Variants in MACROD2 observed in about 807,000 individuals in gnomAD.
MACROD2 encodes ADP-ribose glycohydrolase MACROD2.
A neutral mutation model predicts 70.4 loss-of-function variants in MACROD2; 36 were observed. That is an observed-to-expected ratio of 0.51 (90% confidence interval 0.39 to 0.68). The LOEUF (loss-of-function observed/expected upper bound fraction) is 0.68. Ranked by LOEUF, MACROD2 falls within the 30% of genes least tolerant of loss-of-function variation. The probability of loss-of-function intolerance (pLI) is 0.00; values close to 1 mark genes in which losing one functional copy is unlikely to be tolerated. For missense variants in MACROD2, 496 were observed against 538.4 expected, an observed-to-expected ratio of 0.92 and a Z score of 0.78; for synonymous variants, 172 against 178.8, an observed-to-expected ratio of 0.96 and a Z score of 0.30.
At chr20:15,638,701 G>C (rs2049407692) in intron 8 of MACROD2, among the ~76,000 whole-genome samples, 1 of 152,184 alleles carries the variant, frequency 6.6e-6, no homozygotes, top group South Asian at 2.1e-4. Flanking sequence ...TCATATGATA[G>C]TAGAGCATTA....
intron 5 of MACROD2, among the ~76,000 whole-genome samples, chr20:14,955,309 TTA>T (rs1473331520): frequency 1.4e-5 from 2 of 143,026 alleles, no homozygotes; most frequent in Non-Finnish European, 3.0e-5. Context: ...ATAATTTTTA[TTA>T]TATATAATTT....
At chr20:15,678,170 G>T (rs1209604463) in intron 8 of MACROD2, among the ~76,000 whole-genome samples, 1 of 152,162 alleles carries the variant, frequency 6.6e-6, no homozygotes, top group Non-Finnish European at 1.5e-5. Flanking sequence ...GTAAATTATA[G>T]ACTTAAGATT....
At chr20:15,582,983 T>A (rs2048547014) in intron 8 of MACROD2, among the ~76,000 whole-genome samples, 1 of 152,024 alleles carries the variant, frequency 6.6e-6, no homozygotes. Context: ...TGCAAAAAAT[T>A]CATCAGCTGA....
intron 8 of MACROD2, among the ~76,000 whole-genome samples, chr20:15,822,824 C>T (rs572388103): frequency 5.3e-5 from 8 of 152,124 alleles, no homozygotes; most frequent in Non-Finnish European, 1.0e-4. Flanking sequence ...GAAAGAAAAC[C>T]GCAGATACAG....
intron 2 of MACROD2, among the ~76,000 whole-genome samples, chr20:14,076,195 A>G (rs941045529): frequency 5.3e-5 from 8 of 152,102 alleles, no homozygotes; most frequent in Non-Finnish European, 8.8e-5. Context: ...TGTATGTTAT[A>G]TATATGTGAT....
intron 3 of MACROD2, chr20:14,337,490 C>G: frequency 2.5e-6 from 1 of 398,322 alleles, no homozygotes; most frequent in Non-Finnish European, 4.4e-6. Flanking sequence ...AGCCCTCCCC[C>G]GTCTCCCAAG....
At chr20:15,134,380 G>A (rs1265507810) in intron 5 of MACROD2, among the ~76,000 whole-genome samples, 1 of 151,766 alleles carries the variant, frequency 6.6e-6, no homozygotes, top group Non-Finnish European at 1.5e-5. Flanking sequence ...TCAGACCACA[G>A]TGCAATCAAA....
At position 14,177,103 on chromosome 20, in the gene MACROD2, A is replaced by C. The variant is rs575073377; in HGVS notation, c.271+91375A>C. ...TTAAGATGTTAGTTCTCCTTACTAC[A>C]TTAGTGTACAAACTTAATGCAATAC... is the stretch of plus-strand genomic sequence containing the variant. On this transcript the variant is annotated intron_variant, in intron 3 of 17. Transcript: ENST00000684519. Among the ~76,000 whole-genome samples, 6 of 152,158 alleles carry C rather than the reference A, an allele frequency of 3.9e-5. No individual in the cohort carries two copies. The South Asian group carries it at 1.2e-3, about 32-fold the overall frequency.
At chr20:15,759,722 G>A (rs6043522) in intron 8 of MACROD2, among the ~76,000 whole-genome samples, 9,488 of 152,270 alleles carry the variant, frequency 0.062, 550 homozygotes, top group African/African-American at 0.16. Flanking sequence ...CTATTTATGG[G>A]ACAATATTGC....
chr20:14,005,881 G>A (rs1351904115), intron 2 of MACROD2, among the ~76,000 whole-genome samples: 4 of 152,044 alleles, frequency 2.6e-5, no homozygotes, highest in East Asian at 1.9e-4. Context: ...GATTACAGAC[G>A]TGAGCCACTG....
At chr20:14,267,803 T>A (rs902299697) in intron 3 of MACROD2, among the ~76,000 whole-genome samples, 1 of 152,094 alleles carries the variant, frequency 6.6e-6, no homozygotes, top group Non-Finnish European at 1.5e-5. Context: ...AACTGATGTC[T>A]TGGAAAGTGA....
At chr20:15,389,411 T>A (rs760716277) in intron 6 of MACROD2, among the ~76,000 whole-genome samples, 1 of 152,126 alleles carries the variant, frequency 6.6e-6, no homozygotes, top group Non-Finnish European at 1.5e-5. Flanking sequence ...GTTGAAGGTC[T>A]AGAAGAAATT....
At chr20:14,385,346 C>T (rs1014668135) in intron 3 of MACROD2, among the ~76,000 whole-genome samples, 9 of 152,000 alleles carry the variant, frequency 5.9e-5, no homozygotes, top group African/African-American at 9.7e-5. Flanking sequence ...TTTATTGTTT[C>T]AGTGTTGTTT....
At chr20:15,163,171 C>A (rs193068634) in intron 5 of MACROD2, among the ~76,000 whole-genome samples, 15 of 151,684 alleles carry the variant, frequency 9.9e-5, no homozygotes. Flanking sequence ...AAAGAAAAGA[C>A]ATAAGACTGG....
rs186717084 is a variant in MACROD2, at chr20:16,034,334, T to C, written c.1154-6867T>C. 1.6e-3 allele frequency among the ~76,000 whole-genome samples: 243 copies of C among 152,182 alleles called. 1 individual carries two copies. The highest frequency in any genetic ancestry group is 5.3e-3 in the African/African-American group (222 of 41,532). ...TGGTGTTGATATTGACGCTGTGTTA[T>C]TCCTCATTAAATTGGTCTTTGATCT... On this transcript the variant is annotated intron_variant, in intron 15 of 17. Coordinates refer to ENST00000684519, the MANE Select transcript of MACROD2 (RefSeq NM_001351661.2).
At chr20:15,858,331 C>T (rs1473038978) in intron 8 of MACROD2, among the ~76,000 whole-genome samples, 1 of 152,086 alleles carries the variant, frequency 6.6e-6, no homozygotes, top group African/African-American at 2.4e-5. Context: ...GCGAGGCATT[C>T]TTATAGGTTC....
At chr20:14,820,794 G>A (rs567458434) in intron 5 of MACROD2, among the ~76,000 whole-genome samples, 158 of 151,866 alleles carry the variant, frequency 1.0e-3, no homozygotes, top group Non-Finnish European at 1.9e-3. Flanking sequence ...TTACTCATTC[G>A]TTGTGCGCTG....
At chr20:15,723,275 CTACATT>C (rs1462034627) in intron 8 of MACROD2, among the ~76,000 whole-genome samples, 1 of 152,180 alleles carries the variant, frequency 6.6e-6, no homozygotes, top group Non-Finnish European at 1.5e-5. Context: ...ATCCATGAAC[CTACATT>C]TACACATCAT....
intron 3 of MACROD2, among the ~76,000 whole-genome samples, chr20:14,457,802 T>C (rs2084320784): frequency 6.6e-6 from 1 of 152,082 alleles, no homozygotes; most frequent in African/African-American, 2.4e-5. Context: ...TACTTATATT[T>C]ATATCATAAA....
Sources: gnomAD v4.1 joint callset for allele counts (sites outside exome capture counted in the v4.1 genomes callset) on GRCh38, gnomAD v4.1.1 for gene constraint, MANE v1.5 for transcripts, NCBI Gene and HGNC (gene_info 2026-07-23, HGNC 2026-07-21) for gene names.